Variants in TULP2 observed in about 807,000 individuals in gnomAD.
TULP2 encodes TUB like protein 2, also known as tubby-related protein 2.
In TULP2, 64 loss-of-function variants were observed where a neutral mutation model predicts 60.3. The ratio of observed to expected loss-of-function variants is 1.06; its 90% CI spans 0.87 to 1.31. The LOEUF is 1.31. Among genes scored for constraint, TULP2 ranks in the 50% most tolerant of loss-of-function variants. TULP2 has a pLI of 0.00. For synonymous variants in TULP2, 267 were observed against 265.4 expected (o/e 1.01, Z -0.06); for missense variants, 652 against 667.0 (o/e 0.98, Z 0.25).
In TULP2 at chr19:48,896,359, A is replaced by G; in HGVS notation, c.211+71T>C. The G allele has an allele frequency of 4.0e-6, 6 of 1,495,434 alleles. No individual in the cohort carries two copies. In the South Asian group the frequency reaches 7.9e-5, roughly 20 times the overall value. 92.6% of individuals were successfully genotyped at this position (1,495,434 alleles called of 1,614,324 possible). On this transcript the variant is annotated intron_variant, in intron 4 of 12. Coordinates refer to ENST00000221399, the MANE Select transcript of TULP2 (RefSeq NM_003323.3). ...ACCCTAAGGCTCCACCCCTTCATCC[A>G]CTAGGCCCCGCCCACAGACTCCCAC...
intron 12 of TULP2, among the ~76,000 whole-genome samples, chr19:48,881,374 T>C (rs1227565378): frequency 7.4e-6 from 1 of 135,558 alleles, no homozygotes; most frequent in Non-Finnish European, 1.5e-5. Flanking sequence ...CACGTCCGGC[T>C]AATTTTTTTT....
chr19:48,897,409 C>A lies in TULP2; in HGVS notation c.33-13G>T. On this transcript the variant is annotated splice_polypyrimidine_tract_variant and intron_variant, in intron 2 of 12. Transcript: ENST00000221399. This position sits in a 1 kb window ranked among gnomAD's most constrained non-coding sequence, Gnocchi z 4.0. The stretch of plus-strand genomic sequence containing the variant: ...ATGCCCCAGGATGCTGAGAGAGACA[C>A]AGGCCCATGGTGACAGTGCACAGGG... 1 of 1,613,562 alleles carries A rather than the reference C, an allele frequency of 6.2e-7. No homozygotes were observed. The highest frequency in any genetic ancestry group is 8.5e-7 in the Non-Finnish European group (1 of 1,179,762).
At chr19:48,889,703 TC>T in intron 6 of TULP2, 72 bp from the exon 7 acceptor site, 1 of 1,352,420 alleles carries the variant, frequency 7.4e-7, no homozygotes, top group Non-Finnish European at 1.0e-6. Context: ...CATAGGAGAC[TC>T]CATTTTGTTC....
chr19:48,895,590 A>C, intron 4 of TULP2, 87 bp from the exon 5 acceptor site: 1 of 1,505,926 alleles, frequency 6.6e-7, no homozygotes, highest in Non-Finnish European at 8.9e-7. Flanking sequence ...GCTCCCAAAT[A>C]TCACCCCCGC....
chr19:48,896,172 T>C (rs1258665916), intron 4 of TULP2, among the ~76,000 whole-genome samples: 1 of 152,012 alleles, frequency 6.6e-6, no homozygotes, highest in African/African-American at 2.4e-5. Flanking sequence ...CCCCTGCTAG[T>C]TGTACCATGC....
rs778558022 is a variant in TULP2 at position 48,880,991 on chromosome 19, A to G, written c.*20T>C. The G allele has an allele frequency of 6.3e-7, 1 of 1,594,234 alleles. No individual in the cohort carries two copies. The highest frequency in any genetic ancestry group is 8.6e-7 in the Non-Finnish European group (1 of 1,162,234). ...CTGGCAAGGGTATGGTATTTTATTG[A>G]GTTATTCAACAGCCAGCTTCTAATT... On this transcript the variant is annotated 3_prime_UTR_variant, in exon 13 of 13. Coordinates refer to ENST00000221399, the MANE Select transcript of TULP2 (RefSeq NM_003323.3).
intron 9 of TULP2, 26 bp downstream of exon 9, chr19:48,885,422 T>C (rs2037170460): frequency 1.9e-6 from 3 of 1,602,270 alleles, no homozygotes; most frequent in Non-Finnish European, 2.6e-6. Flanking sequence ...TACCTGCTCC[T>C]CACCACATGT....
chr19:48,897,873 C>A lies in TULP2; in HGVS notation c.-1-4G>T, dbSNP rs566847642. The A allele has an allele frequency of 1.9e-4, 304 of 1,612,712 alleles. 1 individual carries two copies. In the South Asian group the frequency reaches 3.0e-3, roughly 16 times the overall value. On this transcript the variant is annotated splice_polypyrimidine_tract_variant and splice_region_variant and intron_variant, in intron 1 of 12. Coordinates refer to ENST00000221399, the MANE Select transcript of TULP2 (RefSeq NM_003323.3). The surrounding 1 kb of genome is among the most constrained non-coding windows in gnomAD (Gnocchi z 4.0). ...TGTGTCATTATCCTGAGACATTCTG[C>A]AGAAGCAAGAATGAGGAGTCAGGAT...
Position 48,882,193 on chromosome 19 carries a change from G to A in TULP2, c.1286C>T (p.Ser429Leu), listed in dbSNP as rs966161211. The change falls in exon 12 of 13, where the codon TCG (serine) becomes TTG (leucine). Residue 429 changes from serine to leucine, a missense_variant. Physicochemically the swap from Ser to Leu is moderately radical, Grantham distance 145. Coordinates refer to ENST00000221399, the MANE Select transcript of TULP2 (RefSeq NM_003323.3). ...INVQPLNEQE[S>L]LLSRYQRGDK... ...CCCACGTTGGTAACGACTCAGTAGC[G>A]ACTCCTGTTCCTAGAAGGTAAAGAA... 18 of 1,613,964 alleles carry A rather than the reference G, an allele frequency of 1.1e-5. No individual in the cohort carries two copies. The highest frequency in any genetic ancestry group is 1.4e-5 in the Non-Finnish European group (16 of 1,180,044).
Position 48,895,078 on chromosome 19 carries a change from T to C in TULP2, c.434A>G (p.Glu145Gly). Residue 145 changes from glutamate to glycine, a missense_variant, in exon 6 of 13, where the codon GAG becomes GGG. By Grantham distance (98) the Glu-to-Gly change is moderately conservative. Transcript: ENST00000221399. ...AGGTGGGGGAGAGACGGAACCATTC[T>C]CCACGGAGACTTCCTCCAATTCTGC... ...SDAELEEVSV[E>G]NGSVSPPPFK... 2 of 1,614,130 alleles carry C rather than the reference T, an allele frequency of 1.2e-6. No homozygotes were observed. The highest frequency in any genetic ancestry group is 1.7e-6 in the Non-Finnish European group (2 of 1,180,036).
intron 12 of TULP2, among the ~76,000 whole-genome samples, chr19:48,881,583 C>T (rs2037132878): frequency 6.6e-6 from 1 of 151,912 alleles, no homozygotes; most frequent in Admixed American, 6.6e-5. Flanking sequence ...CGGGGTTTCA[C>T]CGTGTTAGTC....
At chr19:48,891,944 G>T (rs2037237019) in intron 6 of TULP2, among the ~76,000 whole-genome samples, 1 of 152,184 alleles carries the variant, frequency 6.6e-6, no homozygotes. Flanking sequence ...CTGGATTTAT[G>T]TTTAACTTTA....
At chr19:48,888,389 T>C in intron 7 of TULP2, 128 bp from the exon 8 acceptor site, 1 of 922,706 alleles carries the variant, frequency 1.1e-6, no homozygotes, top group Non-Finnish European at 1.6e-6. Flanking sequence ...TGGTCAAAAA[T>C]CTCATTCAGT....
intron 7 of TULP2, 149 bp downstream of exon 7, chr19:48,889,361 C>T (rs190723434): frequency 1.0e-5 from 13 of 1,294,544 alleles, no homozygotes; most frequent in South Asian, 1.6e-5. Context: ...CACGCACGCA[C>T]GCACGCACAC....
Position 48,897,287 on chromosome 19 carries a change from C to T in TULP2, c.84+58G>A. On this transcript the variant is annotated intron_variant, in intron 3 of 12. Coordinates refer to ENST00000221399, the MANE Select transcript of TULP2 (RefSeq NM_003323.3). This position sits in a 1 kb window ranked among gnomAD's most constrained non-coding sequence, Gnocchi z 4.0. ...CTAGAGCAAGACCTGGTGGAGAGGC[C>T]CCTGGGGAGGCACAGAAGGCGGAAG... 7 of 1,588,672 alleles carry T rather than the reference C, an allele frequency of 4.4e-6. No homozygotes were observed. The highest frequency in any genetic ancestry group is 1.1e-5 in the South Asian group (1 of 89,086).
In TULP2 at chr19:48,883,839, A is replaced by G. The variant is rs535361721; in HGVS notation, c.1190T>C (p.Leu397Ser). 1.2e-6 allele frequency: 2 copies of G among 1,614,042 alleles called. No homozygotes were observed. The highest frequency in any genetic ancestry group is 1.1e-5 in the South Asian group (1 of 91,070). Residue 397 changes from leucine (L) to serine (S), a missense_variant, in exon 11 of 13, where the codon TTA becomes TCA. Physicochemically the swap from Leu to Ser is moderately radical, Grantham distance 145. Transcript: ENST00000221399. ...LGAVCYEPNV[L>S]GYLGPRKMTV... ...CATTTTCCGAGGCCCCAGGTATCCT[A>G]AGACGTTGGGCTCCTGGGGGTATTA... is the stretch of plus-strand genomic sequence containing the variant.
intron 6 of TULP2, among the ~76,000 whole-genome samples, chr19:48,892,536 C>T (rs1400959302): frequency 6.6e-6 from 1 of 151,024 alleles, no homozygotes; most frequent in African/African-American, 2.4e-5. Context: ...CGGAGTCTTG[C>T]TCTGTCACCC....
chr19:48,889,655 G>A, intron 6 of TULP2, 24 bp from the exon 7 acceptor site: 2 of 1,564,078 alleles, frequency 1.3e-6, no homozygotes, highest in Non-Finnish European at 1.7e-6. Flanking sequence ...AAGCAAGAGA[G>A]ATCAGATTGT....
chr19:48,886,123 G>A (rs1379321567), intron 8 of TULP2, among the ~76,000 whole-genome samples: 6 of 151,712 alleles, frequency 4.0e-5, no homozygotes, highest in African/African-American at 7.3e-5. Context: ...TGGCTAACAC[G>A]GTGAAACCCC....
Sources: allele counts gnomAD v4.1 joint callset (sites outside exome capture counted in the v4.1 genomes callset), GRCh38; gene constraint gnomAD v4.1.1; non-coding constraint Gnocchi (gnomAD v3.1); transcripts MANE v1.5; gene names NCBI Gene and HGNC (gene_info 2026-07-23, HGNC 2026-07-21).